Variants in NFATC1 observed in about 807,000 individuals in gnomAD.
NFATC1 encodes nuclear factor of activated T cells 1.
Under a neutral mutation model 76.0 loss-of-function variants are expected in NFATC1, and 22 were observed. The observed-to-expected ratio is 0.29, with a 90% CI of 0.21 to 0.41. NFATC1 has a LOEUF of 0.41. NFATC1 is among the 10% of genes least tolerant of loss of function. The pLI is 1.00. For synonymous variants in NFATC1, 704 were observed against 613.1 expected, an observed-to-expected ratio of 1.15 and a Z score of -2.19; for missense variants, 1,357 against 1,337.7, an observed-to-expected ratio of 1.01 and a Z score of -0.23.
chr18:79,488,183 T>G (rs2089569401), intron 9 of NFATC1, among the ~76,000 whole-genome samples: 1 of 152,186 alleles, frequency 6.6e-6, no homozygotes, highest in Admixed American at 6.5e-5. Context: ...GGCTACAAGC[T>G]TTTTAAGGAG....
intron 2 of NFATC1, among the ~76,000 whole-genome samples, chr18:79,418,874 C>A (rs1185214603): frequency 6.6e-6 from 1 of 152,086 alleles, no homozygotes; most frequent in African/African-American, 2.4e-5. Context: ...CTGCGGAGGC[C>A]GAGGGCCTGT....
intron 2 of NFATC1, chr18:79,421,523 C>T (rs569711842): frequency 6.6e-6 from 1 of 152,558 alleles, no homozygotes; most frequent in South Asian, 2.1e-4. Flanking sequence ...AGGTGGAGAG[C>T]AGGGATCAGC....
intron 9 of NFATC1, among the ~76,000 whole-genome samples, chr18:79,492,867 C>A (rs374592113): frequency 1.4e-5 from 2 of 139,736 alleles, no homozygotes; most frequent in Non-Finnish European, 3.0e-5. Context: ...AAGCGAGACT[C>A]CATCTCAAAA....
intron 8 of NFATC1, among the ~76,000 whole-genome samples, chr18:79,485,777 G>A (rs190503816): frequency 2.2e-3 from 332 of 152,346 alleles, no homozygotes; most frequent in African/African-American, 7.4e-3. Flanking sequence ...AGTGACGGAC[G>A]GCTTCTCTCC....
At position 79,410,412 on chromosome 18, in the gene NFATC1, G is replaced by A. The variant is rs1018540326; in HGVS notation, c.137G>A (p.Gly46Asp). 1.2e-6 allele frequency: 2 copies of A among 1,609,028 alleles called. No individual in the cohort carries two copies. Among genetic ancestry groups the A allele is most frequent in the Non-Finnish European group, 8.5e-7 (1 of 1,178,590 alleles). Residue 46 changes from glycine to aspartate, a missense_variant, in exon 2 of 10, where the codon GGC (glycine) becomes GAC (aspartate). Gly to Asp is a moderately conservative substitution (Grantham distance 94, BLOSUM62 -1). Coordinates refer to ENST00000427363, the MANE Select transcript of NFATC1 (RefSeq NM_001278669.2). The surrounding 1 kb of genome is among the most constrained non-coding windows in gnomAD (Gnocchi z 6.7). ...TTCTTTTTCTCTCTAGAACACTATG[G>A]CTATGCATCCTCCAACGTCAGCCCC... ...TMKSAEEEHY[G>D]YASSNVSPAL...
At chr18:79,428,549 C>T (rs1471623560) in intron 2 of NFATC1, among the ~76,000 whole-genome samples, 8 of 152,208 alleles carry the variant, frequency 5.3e-5, no homozygotes, top group East Asian at 1.9e-4. Flanking sequence ...TGGATGTTTG[C>T]GTTGCCAGCG....
At chr18:79,402,595 G>A (rs559424157) in intron 1 of NFATC1, among the ~76,000 whole-genome samples, 2 of 152,318 alleles carry the variant, frequency 1.3e-5, no homozygotes, top group South Asian at 4.1e-4. Flanking sequence ...AGAGACCACC[G>A]TGGTTTTGGG....
Position 79,451,117 on chromosome 18 carries a change from A to G in NFATC1, c.1753A>G (p.Ile585Val). The G allele has an allele frequency of 6.2e-7, 1 of 1,609,652 alleles. No homozygotes were observed. Among genetic ancestry groups the G allele is most frequent in the Non-Finnish European group, 8.5e-7 (1 of 1,177,324 alleles). Residue 585 changes from isoleucine to valine, a missense_variant, in exon 5 of 10, where the codon ATC (isoleucine) becomes GTC (valine). This residue lies in a region of NFATC1 where 242 missense variants were observed against 329.2 expected (regional missense o/e 0.74). Coordinates refer to ENST00000427363, the MANE Select transcript of NFATC1 (RefSeq NM_001278669.2). ...TLSLQVASNP[I>V]ECSQRSAQEL... is the part of the protein sequence containing the mutation. The stretch of plus-strand genomic sequence containing the variant: ...GTCCCTGCAGGTGGCCTCCAACCCC[A>G]TCGAATGCTGTAAGTGGACGTCCAC...
chr18:79,445,091 G>A (rs1001810510), intron 3 of NFATC1, among the ~76,000 whole-genome samples: 1 of 152,252 alleles, frequency 6.6e-6, no homozygotes, highest in South Asian at 2.1e-4. Flanking sequence ...TGCTCCCTTC[G>A]ACTACTGGCT....
chr18:79,452,797 G>A (rs775066124), intron 6 of NFATC1, among the ~76,000 whole-genome samples: 4 of 152,194 alleles, frequency 2.6e-5, no homozygotes, highest in East Asian at 1.9e-4. Context: ...CCCAGGGTGC[G>A]CCAGGTGAGG....
intron 6 of NFATC1, among the ~76,000 whole-genome samples, chr18:79,455,346 G>C (rs1038089514): frequency 6.6e-6 from 1 of 152,128 alleles, no homozygotes; most frequent in African/African-American, 2.4e-5. Context: ...TTCTGTGGCC[G>C]CCGTGACTGG....
intron 9 of NFATC1, among the ~76,000 whole-genome samples, chr18:79,525,711 C>T (rs924865092): frequency 2.6e-5 from 4 of 152,216 alleles, no homozygotes; most frequent in South Asian, 2.1e-4. Flanking sequence ...TTTGGAGCTC[C>T]GCTGGCCAGG....
chr18:79,444,483 G>A (rs997870544), intron 3 of NFATC1, among the ~76,000 whole-genome samples: 5 of 101,854 alleles, frequency 4.9e-5, no homozygotes, highest in South Asian at 2.9e-4. Flanking sequence ...CGCCTACCCC[G>A]AGCCCTCGCT....
intron 8 of NFATC1, among the ~76,000 whole-genome samples, chr18:79,475,286 G>C (rs944058219): frequency 6.8e-6 from 1 of 146,330 alleles, no homozygotes; most frequent in Admixed American, 6.8e-5. Context: ...GTGTTCTCAC[G>C]CTCACTGTCA....
intron 1 of NFATC1, among the ~76,000 whole-genome samples, chr18:79,409,043 C>G (rs1387112825): frequency 1.2e-5 from 1 of 82,822 alleles, no homozygotes; most frequent in Non-Finnish European, 2.9e-5. Flanking sequence ...CATCATCATC[C>G]ATCCATTATT....
At chr18:79,417,032 G>C (rs551050218) in intron 2 of NFATC1, among the ~76,000 whole-genome samples, 3 of 152,250 alleles carry the variant, frequency 2.0e-5, no homozygotes, top group South Asian at 4.1e-4. Flanking sequence ...CTTGCGTTTG[G>C]CTGAGCAGGC....
intron 9 of NFATC1, among the ~76,000 whole-genome samples, chr18:79,506,581 A>G (rs966589850): frequency 3.3e-5 from 5 of 152,204 alleles, no homozygotes; most frequent in African/African-American, 1.2e-4. Flanking sequence ...GCTTGAAGCC[A>G]TCACGTCCAA....
chr18:79,451,910 T>C (rs776183148), intron 6 of NFATC1, 94 bp downstream of exon 6: 59 of 1,455,564 alleles, frequency 4.1e-5, no homozygotes, highest in Non-Finnish European at 4.7e-5. Flanking sequence ...CTGTGCACGG[T>C]CACCGGGACG....
intron 8 of NFATC1, among the ~76,000 whole-genome samples, chr18:79,474,846 A>C (rs374231516): frequency 1.4e-5 from 1 of 71,902 alleles, no homozygotes; most frequent in Non-Finnish European, 2.6e-5. Flanking sequence ...GCTCGCTGTC[A>C]ACGTAAACCT....
Sources: allele counts gnomAD v4.1 joint callset (sites outside exome capture counted in the v4.1 genomes callset), GRCh38; gene constraint gnomAD v4.1.1; regional missense constraint gnomAD v4.1.1; non-coding constraint Gnocchi (gnomAD v3.1); transcripts MANE v1.5; gene names NCBI Gene and HGNC (gene_info 2026-07-23, HGNC 2026-07-21).